Variants in RALYL observed in about 807,000 individuals in gnomAD.
The protein encoded by RALYL is RALY RNA binding protein like.
RALYL carries 29 observed loss-of-function variants against 35.1 expected under a neutral mutation model. That is an observed-to-expected ratio of 0.83 (90% CI 0.61 to 1.13). The LOEUF (loss-of-function observed/expected upper bound fraction) is 1.13. RALYL is among the 50% of genes most tolerant of loss of function. The pLI is 0.00. For synonymous variants in RALYL, 120 were observed against 127.6 expected, an observed-to-expected ratio of 0.94 and a Z score of 0.40; for missense variants, 359 against 360.4, an observed-to-expected ratio of 1.00 and a Z score of 0.03.
intron 2 of RALYL, among the ~76,000 whole-genome samples, chr8:84,720,748 G>C (rs190077049): frequency 6.6e-6 from 1 of 151,930 alleles, no homozygotes; most frequent in African/African-American, 2.4e-5. Context: ...CATTTAATAA[G>C]GGGTTCATAT....
intron 2 of RALYL, among the ~76,000 whole-genome samples, chr8:84,677,032 C>T (rs1263420053): frequency 6.6e-6 from 1 of 152,128 alleles, no homozygotes; most frequent in African/African-American, 2.4e-5. Flanking sequence ...GAACTCCCAA[C>T]CTCATGATCC....
intron 2 of RALYL, among the ~76,000 whole-genome samples, chr8:84,711,357 G>A (rs11786450): frequency 0.016 from 2,434 of 152,138 alleles, 30 homozygotes; most frequent in Non-Finnish European, 0.024. Context: ...ATTTTTAAAT[G>A]ACAAGTTTTA....
At chr8:84,748,202 G>A (rs10093458) in intron 2 of RALYL, among the ~76,000 whole-genome samples, 116,362 of 151,804 alleles carry the variant, frequency 0.77, 45,526 homozygotes, top group African/African-American at 0.88. Context: ...TCTTGGCCAT[G>A]ATTCAACAGA....
chr8:84,391,643 G>A (rs1275932804), intron 1 of RALYL, among the ~76,000 whole-genome samples: 1 of 151,934 alleles, frequency 6.6e-6, no homozygotes, highest in Non-Finnish European at 1.5e-5. Context: ...CATAAAATTG[G>A]GTTTTGATAT....
intron 1 of RALYL, among the ~76,000 whole-genome samples, chr8:84,296,197 T>C (rs532544244): frequency 6.6e-6 from 1 of 152,252 alleles, no homozygotes; most frequent in African/African-American, 2.4e-5. Flanking sequence ...TCTATATTGC[T>C]GTATTTGTCT....
At chr8:84,873,090 T>A (rs1020801352) in intron 6 of RALYL, 194 bp from the exon 7 acceptor site, 6 of 427,766 alleles carry the variant, frequency 1.4e-5, no homozygotes, top group Admixed American at 4.2e-5. Context: ...TCACTGAGAA[T>A]CCGTATTTGT....
At position 84,617,154 on chromosome 8, in the gene RALYL, T is replaced by C. The variant is rs1348673753; in HGVS notation, c.256+87577T>C. 6.0e-5 allele frequency among the ~76,000 whole-genome samples: 9 copies of C among 150,770 alleles called. No homozygotes were observed. The East Asian group carries it at 1.5e-3, about 26-fold the overall frequency. On this transcript the variant is annotated intron_variant, in intron 2 of 8. Transcript: ENST00000521268. ...AAAGTCATTGGTAGCTTGATGGGGA[T>C]GGCATTGAATCTATAAATTACCTTG...
intron 1 of RALYL, among the ~76,000 whole-genome samples, chr8:84,200,933 T>C (rs1816685555): frequency 1.3e-5 from 2 of 152,174 alleles, no homozygotes; most frequent in Non-Finnish European, 2.9e-5. Context: ...TGTTTTAGTG[T>C]AGTTATCCAA....
At chr8:84,485,182 T>C (rs2054477323) in intron 1 of RALYL, among the ~76,000 whole-genome samples, 1 of 152,174 alleles carries the variant, frequency 6.6e-6, no homozygotes, top group African/African-American at 2.4e-5. Context: ...TTTAGTTTCA[T>C]GAGTTTTATT....
chr8:84,910,887 CTT>C (rs995511091), intron 8 of RALYL, among the ~76,000 whole-genome samples: 2 of 151,868 alleles, frequency 1.3e-5, no homozygotes, highest in African/African-American at 4.8e-5. Context: ...TATTCTAAAA[CTT>C]TACCCAGAAT....
At chr8:84,610,712 C>T (rs1404827800) in intron 2 of RALYL, among the ~76,000 whole-genome samples, 2 of 152,044 alleles carry the variant, frequency 1.3e-5, no homozygotes, top group African/African-American at 4.8e-5. Context: ...TATTAAACCA[C>T]TTGTTTATAT....
chr8:84,421,087 A>G (rs1298293371), intron 1 of RALYL, among the ~76,000 whole-genome samples: 21 of 139,534 alleles, frequency 1.5e-4, no homozygotes, highest in South Asian at 4.9e-4. Context: ...TGTGAAGAAA[A>G]TCATTGGTAG....
intron 1 of RALYL, among the ~76,000 whole-genome samples, chr8:84,511,761 C>A (rs1251786434): frequency 6.6e-6 from 1 of 152,122 alleles, no homozygotes; most frequent in Non-Finnish European, 1.5e-5. Flanking sequence ...TCTCTACCTC[C>A]CTTAGCTCTC....
intron 1 of RALYL, among the ~76,000 whole-genome samples, chr8:84,228,125 G>A (rs1339173968): frequency 7.1e-6 from 1 of 141,616 alleles, no homozygotes; most frequent in African/African-American, 2.6e-5. Flanking sequence ...CAAAGTGCTA[G>A]TTAAACGAAG....
At chr8:84,587,758 G>C (rs1812322906) in intron 2 of RALYL, among the ~76,000 whole-genome samples, 1 of 152,194 alleles carries the variant, frequency 6.6e-6, no homozygotes, top group African/African-American at 2.4e-5. Flanking sequence ...ATGTGTCTCA[G>C]TTTATTGCTG....
intron 2 of RALYL, among the ~76,000 whole-genome samples, chr8:84,751,611 G>T (rs1161870381): frequency 4.6e-5 from 7 of 152,092 alleles, no homozygotes; most frequent in Non-Finnish European, 1.5e-5. Flanking sequence ...GTGGGGACTG[G>T]TGGGAGGTGA....
intron 1 of RALYL, among the ~76,000 whole-genome samples, chr8:84,351,407 C>T (rs905578735): frequency 6.7e-6 from 1 of 149,708 alleles, no homozygotes; most frequent in Non-Finnish European, 1.5e-5. Flanking sequence ...TAAAAAATAG[C>T]CTATTCTTTA....
intron 2 of RALYL, among the ~76,000 whole-genome samples, chr8:84,748,719 T>C (rs1809240078): frequency 6.6e-6 from 1 of 152,160 alleles, no homozygotes; most frequent in Admixed American, 6.6e-5. Context: ...TGGAATCTTA[T>C]ATTGGTTGAA....
At chr8:84,732,395 A>G (rs1846341596) in intron 2 of RALYL, among the ~76,000 whole-genome samples, 1 of 151,952 alleles carries the variant, frequency 6.6e-6, no homozygotes, top group Admixed American at 6.6e-5. Context: ...CTCTTTTTCC[A>G]TTGGATGAAG....
Sources: allele counts gnomAD v4.1 joint callset (sites outside exome capture counted in the v4.1 genomes callset), GRCh38; gene constraint gnomAD v4.1.1; transcripts MANE v1.5; gene names NCBI Gene and HGNC (gene_info 2026-07-23, HGNC 2026-07-21).